The following MOGAT1 variants were observed in gnomAD, a reference collection of about 807,000 sequenced individuals.
The protein encoded by MOGAT1 is monoacylglycerol O-acyltransferase 1, also known as 2-acylglycerol O-acyltransferase 1.
In MOGAT1, 32 loss-of-function variants were observed where a neutral mutation model predicts 31.4. That is an observed-to-expected ratio of 1.02 (90% CI 0.77 to 1.37). The LOEUF (loss-of-function observed/expected upper bound fraction) is 1.37, where lower values mean the gene tolerates loss of function less well. Among genes scored for constraint, MOGAT1 ranks in the 40% most tolerant of loss-of-function variants. MOGAT1 has a pLI of 0.00. For synonymous variants in MOGAT1, 145 were observed against 144.5 expected (o/e 1.00, Z -0.03); for missense variants, 426 against 402.0 (o/e 1.06, Z -0.51).
chr2:222,701,299 GGAGAGA>G lies in MOGAT1; in HGVS notation c.853+6036_853+6041del, dbSNP rs1553562912. 5.4e-3 allele frequency among the ~76,000 whole-genome samples: 485 copies of G among 90,538 alleles called. 3 individuals are homozygous for G. Among genetic ancestry groups the G allele is most frequent in the African/African-American group, 0.018 (407 of 22,430 alleles). The allele number at this position is 90,538 out of a possible 152,430, so 59.4% of individuals were successfully genotyped here. A position where few individuals can be genotyped will look rare whatever the true frequency, so the allele number is the denominator to read the frequency against. On this transcript the variant is annotated intron_variant, in intron 5 of 5. Coordinates refer to ENST00000446656, the MANE Select transcript of MOGAT1 (RefSeq NM_058165.3). The stretch of plus-strand genomic sequence containing the variant: ...AAGAGAGAGAGAGAGAGGAGGAGGA[GGAGAGA>G]GAGAGAGAGAGAGAGAGAGAGAGAT...
At chr2:222,700,794 G>C (rs1692907152) in intron 5 of MOGAT1, among the ~76,000 whole-genome samples, 1 of 152,282 alleles carries the variant, frequency 6.6e-6, no homozygotes, top group Non-Finnish European at 1.5e-5. Flanking sequence ...CTGAAACAGT[G>C]ATGTAAATGA....
In MOGAT1 at chr2:222,683,357, T is replaced by G. The variant is rs1418955260; in HGVS notation, c.95-4987T>G. On this transcript the variant is annotated intron_variant, in intron 1 of 5. Coordinates refer to ENST00000446656, the MANE Select transcript of MOGAT1 (RefSeq NM_058165.3). ...GATGGTGGTAGTAGTTGTACAACAT[T>G]GTGAATTAAATGCCACCAGAGTGTT... Among the ~76,000 whole-genome samples the G allele has an allele frequency of 2.6e-5, 4 of 151,878 alleles. No homozygotes were observed. In the East Asian group the frequency reaches 7.7e-4, roughly 29 times the overall value.
At chr2:222,709,043 C>G (rs1693072180) in intron 5 of MOGAT1, among the ~76,000 whole-genome samples, 1 of 152,096 alleles carries the variant, frequency 6.6e-6, no homozygotes, top group Non-Finnish European at 1.5e-5. Context: ...TAGAAAGACA[C>G]TCAAAAGAGG....
At chr2:222,693,329 C>A (rs1210871056) in intron 3 of MOGAT1, among the ~76,000 whole-genome samples, 1 of 152,034 alleles carries the variant, frequency 6.6e-6, no homozygotes, top group Non-Finnish European at 1.5e-5. Flanking sequence ...CATGGGAAAG[C>A]CTGAAATACA....
chr2:222,693,455 T>G (rs906429158), intron 3 of MOGAT1, among the ~76,000 whole-genome samples: 6 of 151,566 alleles, frequency 4.0e-5, no homozygotes, highest in South Asian at 2.1e-4. Flanking sequence ...CTTGTTTTTT[T>G]TTTTTTTTTT....
chr2:222,691,933 A>G (rs1226952649), intron 3 of MOGAT1, among the ~76,000 whole-genome samples: 1 of 152,196 alleles, frequency 6.6e-6, no homozygotes, highest in African/African-American at 2.4e-5. Flanking sequence ...GCCAGAGCCA[A>G]CTGCGTTTCA....
chr2:222,701,858 C>T (rs750234805), intron 5 of MOGAT1, among the ~76,000 whole-genome samples: 1 of 152,198 alleles, frequency 6.6e-6, no homozygotes, highest in Non-Finnish European at 1.5e-5. Context: ...TGAGGTCTGA[C>T]TCTGAGCGAC....
chr2:222,686,466 A>G (rs1692670419), intron 1 of MOGAT1, among the ~76,000 whole-genome samples: 2 of 152,228 alleles, frequency 1.3e-5, no homozygotes, highest in Admixed American at 1.3e-4. Context: ...TGAGGCCCAC[A>G]TGTTTCCTGT....
chr2:222,701,320 GAGAGAGAGAT>G (rs766002650), intron 5 of MOGAT1, among the ~76,000 whole-genome samples: 40 of 149,228 alleles, frequency 2.7e-4, no homozygotes, highest in Non-Finnish European at 5.2e-4. Flanking sequence ...GAGAGAGAGA[GAGAGAGAGAT>G]AAAAGGAATT....
intron 4 of MOGAT1, among the ~76,000 whole-genome samples, chr2:222,694,766 A>G (rs1692816631): frequency 1.3e-5 from 2 of 152,356 alleles, no homozygotes; most frequent in Non-Finnish European, 2.9e-5. Context: ...AACAACGAGA[A>G]CAACAACAAA....
chr2:222,677,540 GC>G (rs1456815884), intron 1 of MOGAT1: 6 of 160,106 alleles, frequency 3.7e-5, no homozygotes, highest in African/African-American at 1.4e-4. Flanking sequence ...GGACTTACCA[GC>G]TTCTAGGTCT....
intron 5 of MOGAT1, among the ~76,000 whole-genome samples, chr2:222,702,838 C>T (rs910050838): frequency 1.3e-5 from 2 of 148,658 alleles, no homozygotes; most frequent in African/African-American, 4.9e-5. Flanking sequence ...AAAAAAACCA[C>T]AAAAAACAAA....
In MOGAT1 at chr2:222,694,553, A is replaced by G; in HGVS notation, c.653+17A>G. On this transcript the variant is annotated intron_variant, in intron 4 of 5. Coordinates refer to ENST00000446656, the MANE Select transcript of MOGAT1 (RefSeq NM_058165.3). ...GACCCATGGGTAAGTGGCTTTTTGT[A>G]TAAAGTAGGGGGTCAGAAAAGTTAA... is the stretch of plus-strand genomic sequence containing the variant. 1 of 1,610,380 alleles carries G rather than the reference A, an allele frequency of 6.2e-7. No homozygotes were observed. The highest frequency in any genetic ancestry group is 8.5e-7 in the Non-Finnish European group (1 of 1,178,344).
intron 5 of MOGAT1, 96 bp from the exon 6 acceptor site, chr2:222,709,640 T>C: frequency 8.9e-7 from 1 of 1,123,352 alleles, no homozygotes; most frequent in South Asian, 1.7e-5. Context: ...GGAGGGATTC[T>C]GATTGGCAGT....
chr2:222,685,004 T>C (rs1463826901), intron 1 of MOGAT1, among the ~76,000 whole-genome samples: 1 of 152,228 alleles, frequency 6.6e-6, no homozygotes, highest in African/African-American at 2.4e-5. Context: ...GAATTAGCAC[T>C]GGTAATCAAT....
intron 1 of MOGAT1, among the ~76,000 whole-genome samples, chr2:222,678,974 G>A (rs1394949497): frequency 6.6e-6 from 1 of 151,968 alleles, no homozygotes; most frequent in Non-Finnish European, 1.5e-5. Context: ...CTTAATCCAA[G>A]GTCACAAAAA....
In MOGAT1 at chr2:222,707,351, A is replaced by AAGAAAGAAAG. The variant is rs145847472; in HGVS notation, c.854-2363_854-2354dup. On this transcript the variant is annotated intron_variant, in intron 5 of 5. Coordinates refer to ENST00000446656, the MANE Select transcript of MOGAT1 (RefSeq NM_058165.3). ...AAAGAAAGAAAAAGAAAGAAAGAAA[A>AAGAAAGAAAG]AGAAAGAAAGAGAAAGAAAGAGAAA... Among the ~76,000 whole-genome samples the AAGAAAGAAAG allele has an allele frequency of 6.8e-5, 5 of 73,818 alleles. No homozygotes were observed. The East Asian group carries it at 1.1e-3, about 16-fold the overall frequency. The allele number at this position is 73,818 out of a possible 152,430, so 48.4% of individuals were successfully genotyped here.
At chr2:222,705,053 T>A (rs1263405699) in intron 5 of MOGAT1, among the ~76,000 whole-genome samples, 1 of 152,174 alleles carries the variant, frequency 6.6e-6, no homozygotes, top group Admixed American at 6.5e-5. Context: ...ATTTTTTTGG[T>A]TATTTCTTGA....
At chr2:222,685,315 A>AC in intron 1 of MOGAT1, among the ~76,000 whole-genome samples, 1 of 152,306 alleles carries the variant, frequency 6.6e-6, no homozygotes, top group South Asian at 2.1e-4. Context: ...CAGGAACTGT[A>AC]CACCCTCATG....
Sources: gnomAD v4.1 joint callset for allele counts (sites outside exome capture counted in the v4.1 genomes callset) on GRCh38, gnomAD v4.1.1 for gene constraint, MANE v1.5 for transcripts, NCBI Gene and HGNC (gene_info 2026-07-23, HGNC 2026-07-21) for gene names.